The following TAFA2 variants were observed in gnomAD, a reference collection of about 807,000 sequenced individuals.
The protein encoded by TAFA2 is TAFA chemokine like family member 2.
TAFA2 carries 7 observed loss-of-function variants against 18.8 expected under a neutral mutation model. The ratio of observed to expected loss-of-function variants is 0.37; its 90% CI spans 0.21 to 0.70. The LOEUF (loss-of-function observed/expected upper bound fraction) is 0.70, where lower values mean the gene tolerates loss of function less well. Among genes scored for constraint, TAFA2 ranks in the 30% least tolerant of loss-of-function variants. The pLI, the probability that TAFA2 is intolerant of heterozygous loss-of-function variation, is 0.53. For missense variants in TAFA2, 122 were observed against 158.1 expected, an observed-to-expected ratio of 0.77 and a Z score of 1.23; for synonymous variants, 60 against 54.2, an observed-to-expected ratio of 1.11 and a Z score of -0.47.
At chr12:62,069,644 A>G (rs1461704277) in intron 1 of TAFA2, among the ~76,000 whole-genome samples, 2 of 152,210 alleles carry the variant, frequency 1.3e-5, no homozygotes, top group Non-Finnish European at 2.9e-5. Context: ...CCTTACATAC[A>G]TAGAGTCCAA....
chr12:62,077,119 T>C (rs1592321161), intron 1 of TAFA2, among the ~76,000 whole-genome samples: 1 of 152,238 alleles, frequency 6.6e-6, no homozygotes, highest in African/African-American at 2.4e-5. Flanking sequence ...CAACACCAGA[T>C]AAATTATTAA....
chr12:62,112,637 G>T (rs1284616279), intron 1 of TAFA2, among the ~76,000 whole-genome samples: 1 of 152,042 alleles, frequency 6.6e-6, no homozygotes, highest in East Asian at 1.9e-4. Context: ...CGTAGGTTTG[G>T]TCTTTTCACA....
rs187951142 is a variant in TAFA2 at position 61,759,612 on chromosome 12, G to A, written c.107-4588C>T. On this transcript the variant is annotated intron_variant, in intron 2 of 4. Transcript: ENST00000416284. ...AAATTAGGATGTTCTTTGTTACTGCGACCAACTCAGCCTACTATAACTACA... is the reference window on the plus strand; with the variant it reads ...AAATTAGGATGTTCTTTGTTACTGCAACCAACTCAGCCTACTATAACTACA... Among the ~76,000 whole-genome samples, 643 of 151,920 alleles carry A rather than the reference G, an allele frequency of 4.2e-3. 1 individual carries two copies. The highest frequency in any genetic ancestry group is 0.014 in the Middle Eastern group (4 of 294).
At chr12:62,181,447 A>G (rs2062551253) in intron 1 of TAFA2, among the ~76,000 whole-genome samples, 1 of 152,232 alleles carries the variant, frequency 6.6e-6, no homozygotes, top group Non-Finnish European at 1.5e-5. Context: ...TTCCTCTGCT[A>G]TAAGCAAAGC....
chr12:61,758,650 T>C (rs1592369781), intron 2 of TAFA2, among the ~76,000 whole-genome samples: 1 of 151,348 alleles, frequency 6.6e-6, no homozygotes, highest in African/African-American at 2.4e-5. Flanking sequence ...TAAGAAAGAG[T>C]GAATTTACCA....
chr12:62,005,513 A>G (rs1211154007), intron 1 of TAFA2, among the ~76,000 whole-genome samples: 1 of 152,132 alleles, frequency 6.6e-6, no homozygotes, highest in East Asian at 1.9e-4. Context: ...TAATTCAGTT[A>G]CATGCATATA....
chr12:61,781,927 G>A (rs921876910), intron 2 of TAFA2, among the ~76,000 whole-genome samples: 7 of 151,586 alleles, frequency 4.6e-5, no homozygotes, highest in African/African-American at 9.7e-5. Context: ...GAGATTTCAT[G>A]TCATTCACCA....
intron 1 of TAFA2, among the ~76,000 whole-genome samples, chr12:62,088,880 T>TTCTCTC (rs35124773): frequency 4.7e-5 from 7 of 149,206 alleles, no homozygotes; most frequent in Non-Finnish European, 8.9e-5. Context: ...ATGTTTTTCT[T>TTCTCTC]TCTCTCTCTC....
Position 62,191,462 on chromosome 12 carries a change from C to G in TAFA2, c.-205G>C, listed in dbSNP as rs1315862771. The G allele has an allele frequency of 1.3e-5, 2 of 152,682 alleles. No homozygotes were observed. Among genetic ancestry groups the G allele is most frequent in the African/African-American group, 4.8e-5 (2 of 41,436 alleles). The allele number at this position is 152,682 out of a possible 1,614,324, so 9.5% of individuals were successfully genotyped here. On this transcript the variant is annotated 5_prime_UTR_variant, in exon 1 of 5. Coordinates refer to ENST00000416284, the MANE Select transcript of TAFA2 (RefSeq NM_178539.5). The stretch of plus-strand genomic sequence containing the variant: ...GGCCCTGAGCGTGCGAGTGTGCGCG[C>G]GCGTGTGTGGATGTGTTTCCTCCTC...
At chr12:61,907,520 G>C (rs1466497609) in intron 1 of TAFA2, among the ~76,000 whole-genome samples, 1 of 152,200 alleles carries the variant, frequency 6.6e-6, no homozygotes, top group African/African-American at 2.4e-5. Context: ...TGGATCTCCA[G>C]GCAGAAGTTT....
intron 2 of TAFA2, among the ~76,000 whole-genome samples, chr12:61,836,219 G>A (rs1872913249): frequency 6.6e-6 from 1 of 151,896 alleles, no homozygotes; most frequent in Non-Finnish European, 1.5e-5. Flanking sequence ...AAAAACTGAT[G>A]CTATTTGAAT....
At chr12:62,132,519 AT>A (rs1456817605) in intron 1 of TAFA2, among the ~76,000 whole-genome samples, 3 of 152,046 alleles carry the variant, frequency 2.0e-5, no homozygotes, top group Admixed American at 6.6e-5. Context: ...TCTATACTAA[AT>A]TTTTTTAATA....
intron 1 of TAFA2, among the ~76,000 whole-genome samples, chr12:62,006,999 A>G (rs1880573770): frequency 6.6e-6 from 1 of 152,194 alleles, no homozygotes; most frequent in South Asian, 2.1e-4. Context: ...GTGTTAAGAA[A>G]TGAATCTTGC....
chr12:62,126,061 T>C (rs1218791295), intron 1 of TAFA2, among the ~76,000 whole-genome samples: 2 of 152,104 alleles, frequency 1.3e-5, no homozygotes, highest in Admixed American at 1.3e-4. Context: ...GAAAACCAGT[T>C]GTCTTAGTGT....
At chr12:61,977,796 T>A (rs183259972) in intron 1 of TAFA2, among the ~76,000 whole-genome samples, 32 of 152,202 alleles carry the variant, frequency 2.1e-4, no homozygotes, top group Admixed American at 2.0e-3. Flanking sequence ...CAGCCACTTT[T>A]GTGAACATCA....
chr12:61,882,087 A>T (rs2045304), intron 1 of TAFA2, among the ~76,000 whole-genome samples: 106,659 of 152,106 alleles, frequency 0.7, 37,637 homozygotes, highest in East Asian at 0.79. Context: ...AAGTCCTTAG[A>T]TTTGAAGACG....
chr12:61,859,139 G>C (rs1232613027), intron 2 of TAFA2, among the ~76,000 whole-genome samples: 3 of 152,230 alleles, frequency 2.0e-5, no homozygotes, highest in African/African-American at 7.2e-5. Context: ...GGTTAGGAAG[G>C]CCTCAGGAAA....
chr12:62,068,531 TACCTG>T (rs1456585552), intron 1 of TAFA2, among the ~76,000 whole-genome samples: 1 of 152,198 alleles, frequency 6.6e-6, no homozygotes, highest in Non-Finnish European at 1.5e-5. Flanking sequence ...GCAAATCTTC[TACCTG>T]TCTCTTTGAA....
At position 62,108,336 on chromosome 12, in the gene TAFA2, A is replaced by T. The variant is rs531240167; in HGVS notation, c.-2+82923T>A. Among the ~76,000 whole-genome samples, 65 of 152,298 alleles carry T rather than the reference A, an allele frequency of 4.3e-4. 1 individual carries two copies. The South Asian group carries it at 0.013, about 31-fold the overall frequency. ...ATGAACTCATCCCTTTTTTGGCTGC[A>T]TAGAATTCCATGGTGTATATGTGCC... On this transcript the variant is annotated intron_variant, in intron 1 of 4. Transcript: ENST00000416284.
Sources: gnomAD v4.1 joint callset for allele counts (sites outside exome capture counted in the v4.1 genomes callset) on GRCh38, gnomAD v4.1.1 for gene constraint, MANE v1.5 for transcripts, NCBI Gene and HGNC (gene_info 2026-07-23, HGNC 2026-07-21) for gene names.